Variants in SLC6A6 observed in about 807,000 individuals in gnomAD.
SLC6A6 encodes solute carrier family 6 member 6, also known as sodium- and chloride-dependent taurine transporter.
In SLC6A6, 16 loss-of-function variants were observed where a neutral mutation model predicts 68.8. The ratio of observed to expected loss-of-function variants is 0.23; its 90% CI spans 0.16 to 0.35. The LOEUF (loss-of-function observed/expected upper bound fraction) is 0.35. Among genes scored for constraint, SLC6A6 ranks in the 10% least tolerant of loss-of-function variants. The probability of loss-of-function intolerance (pLI) is 1.00; values close to 1 mark genes in which losing one functional copy is unlikely to be tolerated. For synonymous variants in SLC6A6, 312 were observed against 315.4 expected (o/e 0.99, Z 0.12); for missense variants, 474 against 802.8 (o/e 0.59, Z 4.95).
chr3:14,446,421 G>A (rs1378792541), intron 4 of SLC6A6, among the ~76,000 whole-genome samples: 1 of 152,160 alleles, frequency 6.6e-6, no homozygotes, highest in Non-Finnish European at 1.5e-5. Flanking sequence ...CAAGGGGCGG[G>A]GAGCAAGGGC....
At chr3:14,478,768 G>GT in intron 12 of SLC6A6, 200 bp downstream of exon 12, 1 of 602,156 alleles carries the variant, frequency 1.7e-6, no homozygotes, top group Non-Finnish European at 3.0e-6. Flanking sequence ...GTGACTGGAT[G>GT]TTTTCACAGT....
intron 2 of SLC6A6, among the ~76,000 whole-genome samples, chr3:14,417,732 GAA>G (rs58223644): frequency 1.3e-3 from 141 of 105,850 alleles, no homozygotes; most frequent in African/African-American, 3.9e-3. Flanking sequence ...ACTCCGTCTC[GAA>G]AAAAAAAAAA....
intron 1 of SLC6A6, among the ~76,000 whole-genome samples, chr3:14,407,648 C>T (rs1475718888): frequency 2.0e-5 from 3 of 151,994 alleles, no homozygotes; most frequent in East Asian, 1.9e-4. Flanking sequence ...GGACTACAGG[C>T]GCACGCCACC....
In SLC6A6 at chr3:14,472,188, T is replaced by G; in HGVS notation, c.1097-17T>G. The G allele has an allele frequency of 2.6e-6, 4 of 1,539,988 alleles. No individual in the cohort carries two copies. Among genetic ancestry groups the G allele is most frequent in the South Asian group, 1.1e-5 (1 of 89,632 alleles). On this transcript the variant is annotated splice_polypyrimidine_tract_variant and intron_variant, in intron 9 of 14. Coordinates refer to ENST00000622186, the MANE Select transcript of SLC6A6 (RefSeq NM_003043.6). This position sits in a 1 kb window ranked among gnomAD's most constrained non-coding sequence, Gnocchi z 4.5. ...GTCTCCTCCCCTGTGCCCCTCCCCGTTTTCTTTCCTTTCTAGGTCCTGGCC... is the reference window on the plus strand; with the variant it reads ...GTCTCCTCCCCTGTGCCCCTCCCCGGTTTCTTTCCTTTCTAGGTCCTGGCC...
chr3:14,430,557 G>A (rs541275281), intron 2 of SLC6A6, among the ~76,000 whole-genome samples: 3 of 152,216 alleles, frequency 2.0e-5, no homozygotes, highest in Admixed American at 1.3e-4. Context: ...AGCCCCACCC[G>A]AGTGTGGATT....
At chr3:14,413,643 A>G (rs773696270) in intron 1 of SLC6A6, among the ~76,000 whole-genome samples, 12 of 151,444 alleles carry the variant, frequency 7.9e-5, no homozygotes, top group Non-Finnish European at 1.5e-4. Flanking sequence ...CCTCCAGGCA[A>G]TTCTGCTTTG....
chr3:14,467,326 G>C (rs990270376), intron 7 of SLC6A6, among the ~76,000 whole-genome samples: 1 of 152,210 alleles, frequency 6.6e-6, no homozygotes, highest in African/African-American at 2.4e-5. Context: ...GCTTAGTGAA[G>C]ATTCTGGAGA....
chr3:14,425,450 G>A (rs1035344221), intron 2 of SLC6A6, among the ~76,000 whole-genome samples: 8 of 152,182 alleles, frequency 5.3e-5, no homozygotes, highest in African/African-American at 1.9e-4. Context: ...GAATTATGTA[G>A]AACTCGGCCA....
intron 2 of SLC6A6, among the ~76,000 whole-genome samples, chr3:14,426,326 TC>T (rs11295566): frequency 0.055 from 8,348 of 151,138 alleles, 764 homozygotes; most frequent in African/African-American, 0.19. Flanking sequence ...TTGGGGTAAG[TC>T]CCCCCCCAGC....
In SLC6A6 at chr3:14,468,319, C is replaced by A; in HGVS notation, c.1096+107C>A. 1.0e-6 allele frequency: 1 copy of A among 975,140 alleles called. No homozygotes were observed. Among genetic ancestry groups the A allele is most frequent in the Non-Finnish European group, 1.4e-6 (1 of 697,332 alleles). The allele number at this position is 975,140 out of a possible 1,614,324, so 60.4% of individuals were successfully genotyped here. On this transcript the variant is annotated intron_variant, in intron 9 of 14. Coordinates refer to ENST00000622186, the MANE Select transcript of SLC6A6 (RefSeq NM_003043.6). The surrounding 1 kb of genome is among the most constrained non-coding windows in gnomAD (Gnocchi z 4.5). ...CAGGGGGCTTTGAGGGGGGACGAGC[C>A]TGGTTTCTAAAATGGACCCCCCCCC...
intron 2 of SLC6A6, among the ~76,000 whole-genome samples, chr3:14,426,613 T>G (rs939838397): frequency 6.6e-6 from 1 of 152,214 alleles, no homozygotes; most frequent in Non-Finnish European, 1.5e-5. Context: ...TTAGCCTGAT[T>G]AAAACATTTC....
intron 9 of SLC6A6, among the ~76,000 whole-genome samples, chr3:14,469,286 G>T (rs1449625482): frequency 6.6e-6 from 1 of 151,972 alleles, no homozygotes; most frequent in Non-Finnish European, 1.5e-5. Context: ...GCAAGGTCCT[G>T]GGCTGAGGCT....
intron 1 of SLC6A6, among the ~76,000 whole-genome samples, chr3:14,409,331 C>T (rs936557121): frequency 2.6e-5 from 4 of 152,240 alleles, no homozygotes; most frequent in Admixed American, 6.5e-5. Flanking sequence ...CCAGGACTTG[C>T]CCCGGAGGGT....
intron 1 of SLC6A6, among the ~76,000 whole-genome samples, chr3:14,415,465 C>T (rs921543610): frequency 6.6e-6 from 1 of 152,130 alleles, no homozygotes; most frequent in African/African-American, 2.4e-5. Context: ...GTCTGCTCTC[C>T]CAGACCCACC....
intron 5 of SLC6A6, among the ~76,000 whole-genome samples, chr3:14,457,672 G>C (rs1472856465): frequency 6.6e-6 from 1 of 152,210 alleles, no homozygotes; most frequent in Non-Finnish European, 1.5e-5. Context: ...CACAGATGAG[G>C]AAACTGAGGC....
At position 14,477,195 on chromosome 3, in the gene SLC6A6, C is replaced by A. The variant is rs1273661557; in HGVS notation, c.1210-10C>A. ...AGCCGCTCACCAGCTCTCTCTCTTCCCCTCCTCAGTTTGTTGAAGTTGAAG... is the reference window on the plus strand; with the variant it reads ...AGCCGCTCACCAGCTCTCTCTCTTCACCTCCTCAGTTTGTTGAAGTTGAAG... On this transcript the variant is annotated splice_polypyrimidine_tract_variant and intron_variant, in intron 10 of 14. Coordinates refer to ENST00000622186, the MANE Select transcript of SLC6A6 (RefSeq NM_003043.6). This position sits in a 1 kb window ranked among gnomAD's most constrained non-coding sequence, Gnocchi z 4.2. 3 of 1,608,798 alleles carry A rather than the reference C, an allele frequency of 1.9e-6. No homozygotes were observed. The highest frequency in any genetic ancestry group is 2.2e-5 in the South Asian group (2 of 90,870).
chr3:14,442,450 G>A (rs1371849566), intron 2 of SLC6A6, among the ~76,000 whole-genome samples: 1 of 152,208 alleles, frequency 6.6e-6, no homozygotes, highest in Non-Finnish European at 1.5e-5. Context: ...TTGTGGGTCA[G>A]CCCTTGAAGG....
chr3:14,421,979 C>T (rs115446036), intron 2 of SLC6A6, among the ~76,000 whole-genome samples: 6 of 152,098 alleles, frequency 3.9e-5, no homozygotes, highest in African/African-American at 9.6e-5. Flanking sequence ...CAGCAGGGGT[C>T]GGAGGGGGAT....
At chr3:14,433,806 A>C (rs940415390) in intron 2 of SLC6A6, among the ~76,000 whole-genome samples, 26,767 of 129,676 alleles carry the variant, frequency 0.21, 2,210 homozygotes, top group Admixed American at 0.25. Flanking sequence ...CTGTCTCAAA[A>C]AAAAAAAAAA....
Sources: gnomAD v4.1 joint callset for allele counts (sites outside exome capture counted in the v4.1 genomes callset) on GRCh38, gnomAD v4.1.1 for gene constraint, Gnocchi (gnomAD v3.1) non-coding constraint, MANE v1.5 for transcripts, NCBI Gene and HGNC (gene_info 2026-07-23, HGNC 2026-07-21) for gene names.